CAPN2: variants seen among roughly 807,000 people sequenced by gnomAD.
The protein encoded by CAPN2 is calpain 2.
A neutral mutation model predicts 102.3 loss-of-function variants in CAPN2; 92 were observed. That is an observed-to-expected ratio of 0.90 (90% CI 0.76 to 1.07). The LOEUF (loss-of-function observed/expected upper bound fraction) is 1.07, where lower values mean the gene tolerates loss of function less well. Ranked by LOEUF, CAPN2 falls within the 50% of genes least tolerant of loss-of-function variation. The pLI, the probability that CAPN2 is intolerant of heterozygous loss-of-function variation, is 0.00. For synonymous variants in CAPN2, 340 were observed against 355.4 expected (o/e 0.96, Z 0.49); for missense variants, 800 against 909.4 (o/e 0.88, Z 1.55).
intron 6 of CAPN2, 32 bp from the exon 7 acceptor site, chr1:223,750,858 C>G: frequency 6.5e-7 from 1 of 1,545,434 alleles, no homozygotes; most frequent in South Asian, 1.2e-5. Context: ...TGAACTCAAC[C>G]TCTTACTCCT....
At chr1:223,712,093 G>A (rs184081435), upstream of CAPN2, among the ~76,000 whole-genome samples, 112 of 152,308 alleles carry the variant, frequency 7.4e-4, no homozygotes, top group Non-Finnish European at 1.1e-3. Context: ...CAATATCAGC[G>A]CCTTCTTCAG....
At chr1:223,746,670 G>A (rs910734245) in intron 4 of CAPN2, among the ~76,000 whole-genome samples, 3 of 151,920 alleles carry the variant, frequency 2.0e-5, no homozygotes, top group Non-Finnish European at 4.4e-5. Flanking sequence ...AGTAGAGATG[G>A]TGTTTTGCCA....
chr1:223,760,332 C>T (rs1027213125), intron 12 of CAPN2, among the ~76,000 whole-genome samples: 1 of 152,196 alleles, frequency 6.6e-6, no homozygotes, highest in Non-Finnish European at 1.5e-5. Flanking sequence ...GGTCAGCCAC[C>T]TGGCCTGCTG....
intron 16 of CAPN2, 91 bp downstream of exon 16, chr1:223,766,522 A>AAAAT (rs1661336246): frequency 9.7e-7 from 1 of 1,035,676 alleles, no homozygotes; most frequent in Non-Finnish European, 1.5e-6. Context: ...CTCCCTTTTC[A>AAAAT]AAATAGCCAG....
intron 15 of CAPN2, 119 bp downstream of exon 15, chr1:223,764,326 C>T (rs1661260776): frequency 1.4e-5 from 11 of 802,864 alleles, no homozygotes; most frequent in African/African-American, 1.7e-5. Flanking sequence ...CCCTCCATCC[C>T]CTCCAAGAAG....
chr1:223,755,527 G>A lies in CAPN2; in HGVS notation c.1183G>A (p.Asp395Asn), dbSNP rs529312607. The change falls in exon 10 of 21, where the codon GAT becomes AAT. Residue 395 changes from aspartate (D) to asparagine (N), a missense_variant. Coordinates refer to ENST00000295006, the MANE Select transcript of CAPN2 (RefSeq NM_001748.5). The surrounding 1 kb of genome is among the most constrained non-coding windows in gnomAD (Gnocchi z 4.1). Reference sequence around the variant, plus strand: ...GTACCTGATCAAGCTGGAGGAGGAGGATGAGGACGAGGAGGATGGGGAGAG... The same window carrying A: ...GTACCTGATCAAGCTGGAGGAGGAGAATGAGGACGAGGAGGATGGGGAGAG... ...PQYLIKLEEE[D>N]EDEEDGESGC... 6.2e-7 allele frequency: 1 copy of A among 1,613,876 alleles called. No individual in the cohort carries two copies. Among genetic ancestry groups the A allele is most frequent in the South Asian group, 1.1e-5 (1 of 90,830 alleles).
intron 2 of CAPN2, among the ~76,000 whole-genome samples, chr1:223,741,131 A>G (rs1299842610): frequency 1.3e-5 from 2 of 152,112 alleles, no homozygotes; most frequent in Non-Finnish European, 2.9e-5. Context: ...GGCACACCTA[A>G]GCCTTTGTGT....
intron 2 of CAPN2, among the ~76,000 whole-genome samples, chr1:223,737,702 C>CGGG (rs1558066398): frequency 1.3e-4 from 1 of 7,620 alleles, no homozygotes; most frequent in African/African-American, 3.1e-4. Context: ...CCAAAAGAGA[C>CGGG]GGGGCGGGGG....
intron 5 of CAPN2, among the ~76,000 whole-genome samples, chr1:223,748,729 G>T (rs1660812873): frequency 6.6e-6 from 1 of 151,498 alleles, no homozygotes; most frequent in Non-Finnish European, 1.5e-5. Context: ...TCTCGGCCGT[G>T]CGCCCTTTCC....
chr1:223,702,400 C>T (rs558424287), intron 1 of CAPN2, among the ~76,000 whole-genome samples: 20 of 151,322 alleles, frequency 1.3e-4, no homozygotes, highest in African/African-American at 4.6e-4. Flanking sequence ...GCACTCCAGC[C>T]TGGTTGACAG....
chr1:223,737,102 G>A (rs1660473779), intron 2 of CAPN2, among the ~76,000 whole-genome samples: 1 of 152,124 alleles, frequency 6.6e-6, no homozygotes, highest in South Asian at 2.1e-4. Context: ...TGTGGAGGAA[G>A]GGACAGGAGG....
rs1254941030 is a variant in CAPN2 at position 223,766,425 on chromosome 1, G to A, written c.1749G>A (p.Met583Ile). The A allele has an allele frequency of 6.2e-7, 1 of 1,610,850 alleles. No homozygotes were observed. Among genetic ancestry groups the A allele is most frequent in the African/African-American group, 1.3e-5 (1 of 74,862 alleles). ...SIETCKIMVD[M>I]LDSDGSGKLG... Reference sequence around the variant, plus strand: ...AGACATGCAAAATTATGGTTGACATGCTAGATGTATCCTTTAATGTGCTCC... The same window carrying A: ...AGACATGCAAAATTATGGTTGACATACTAGATGTATCCTTTAATGTGCTCC... The change falls in exon 16 of 21, where the codon ATG (methionine) becomes ATA (isoleucine). Residue 583 changes from methionine (M) to isoleucine (I), a missense_variant. Transcript: ENST00000295006.
At chr1:223,752,164 GTTTAC>G in intron 8 of CAPN2, 93 bp downstream of exon 8, 1 of 875,808 alleles carries the variant, frequency 1.1e-6, no homozygotes, top group Non-Finnish European at 1.9e-6. Context: ...GCCAAAGTGA[GTTTAC>G]CATGTCGAGG....
At position 223,771,845 on chromosome 1, in the gene CAPN2, T is replaced by C. The variant is rs531849554; in HGVS notation, c.1940T>C (p.Val647Ala). 2.5e-6 allele frequency: 4 copies of C among 1,614,166 alleles called. No individual in the cohort carries two copies. Among genetic ancestry groups the C allele is most frequent in the Admixed American group, 3.3e-5 (2 of 60,024 alleles). ...KMPCQLHQVI[V>A]ARFADDQLII... ...CCCTGTCAACTCCACCAAGTCATCG[T>C]TGCTCGGTTTGCAGATGACCAGCTC... The change falls in exon 19 of 21, where the codon GTT becomes GCT. Residue 647 changes from valine (V) to alanine (A), a missense_variant. Transcript: ENST00000295006.
chr1:223,772,297 G>A (rs1661502730), intron 20 of CAPN2, 58 bp downstream of exon 20: 2 of 1,458,830 alleles, frequency 1.4e-6, no homozygotes, highest in Non-Finnish European at 1.9e-6. Context: ...GGGGCGGAAA[G>A]GGCTGTTACT....
At chr1:223,742,498 G>GTGTGTATATA (rs531707362) in intron 2 of CAPN2, among the ~76,000 whole-genome samples, 6 of 127,276 alleles carry the variant, frequency 4.7e-5, no homozygotes, top group Non-Finnish European at 8.2e-5. Context: ...ATATATGTGT[G>GTGTGTATATA]TATATATATA....
chr1:223,775,820 TA>T lies in CAPN2; in HGVS notation c.*966del, dbSNP rs1402142349. On this transcript the variant is annotated 3_prime_UTR_variant, in exon 21 of 21. Transcript: ENST00000295006. ...TTCCAAATGTACTGTTAAATAAAAA[TA>T]AAGGGTTACCCCATGCAATCACACC... The T allele has an allele frequency of 2.6e-5, 4 of 152,592 alleles. No homozygotes were observed. The highest frequency in any genetic ancestry group is 9.7e-5 in the African/African-American group (4 of 41,434). 9.5% of individuals were successfully genotyped at this position (152,592 alleles called of 1,614,324 possible).
chr1:223,735,590 C>T (rs1283640637), intron 2 of CAPN2, among the ~76,000 whole-genome samples: 1 of 151,920 alleles, frequency 6.6e-6, no homozygotes. Flanking sequence ...CCCCAACCAC[C>T]TCTGGTCCAG....
chr1:223,712,972 G>T lies in CAPN2; in HGVS notation c.237+95G>T, dbSNP rs565117728. On this transcript the variant is annotated intron_variant, in intron 1 of 20. Transcript: ENST00000295006. ...GCGCGCTGGGGCGGGGGGCAGCCCG[G>T]GTGCTGCAGTGGGGAAGCCGCAAGC... 784 of 914,934 alleles carry T rather than the reference G, an allele frequency of 8.6e-4. 3 individuals carry two copies. The highest frequency in any genetic ancestry group is 6.9e-4 in the Non-Finnish European group (477 of 692,590). The allele number at this position is 914,934 out of a possible 1,614,324, so 56.7% of individuals were successfully genotyped here.
Sources: gnomAD v4.1 joint callset for allele counts (sites outside exome capture counted in the v4.1 genomes callset) on GRCh38, gnomAD v4.1.1 for gene constraint, Gnocchi (gnomAD v3.1) non-coding constraint, MANE v1.5 for transcripts, NCBI Gene and HGNC (gene_info 2026-07-23, HGNC 2026-07-21) for gene names.